Variants in PTPRQ observed in about 807,000 individuals in gnomAD.
PTPRQ encodes protein tyrosine phosphatase receptor type Q, also known as phosphatidylinositol phosphatase PTPRQ.
PTPRQ carries 199 observed loss-of-function variants against 246.0 expected under a neutral mutation model. That is an observed-to-expected ratio of 0.81 (90% CI 0.72 to 0.91). The LOEUF (loss-of-function observed/expected upper bound fraction) is 0.91, where lower values mean the gene tolerates loss of function less well. Ranked by LOEUF, PTPRQ falls within the 40% of genes least tolerant of loss-of-function variation. The pLI, the probability that PTPRQ is intolerant of heterozygous loss-of-function variation, is 0.00. For synonymous variants in PTPRQ, 869 were observed against 853.2 expected, an observed-to-expected ratio of 1.02 and a Z score of -0.32; for missense variants, 2,624 against 2,528.4, an observed-to-expected ratio of 1.04 and a Z score of -0.81.
chr12:80,623,919 C>G (rs2121143432), intron 33 of PTPRQ, among the ~76,000 whole-genome samples: 1 of 152,282 alleles, frequency 6.6e-6, no homozygotes, highest in South Asian at 2.1e-4. Flanking sequence ...AATGGCTTCT[C>G]TCTGCCCAAT....
chr12:80,637,691 A>G (rs1899707928), intron 35 of PTPRQ, among the ~76,000 whole-genome samples: 1 of 152,224 alleles, frequency 6.6e-6, no homozygotes, highest in African/African-American at 2.4e-5. Context: ...TTTTATGTTA[A>G]TAAAGTCACT....
intron 33 of PTPRQ, among the ~76,000 whole-genome samples, chr12:80,627,651 A>T (rs986064808): frequency 6.6e-6 from 1 of 152,108 alleles, no homozygotes; most frequent in African/African-American, 2.4e-5. Flanking sequence ...TAGAATTATG[A>T]TTTGCCAAAT....
At chr12:80,674,366 C>A (rs1281335932) in intron 43 of PTPRQ, among the ~76,000 whole-genome samples, 2 of 152,130 alleles carry the variant, frequency 1.3e-5, no homozygotes, top group Admixed American at 6.6e-5. Flanking sequence ...TTTTTAGGAT[C>A]TTAATGTTAA....
intron 35 of PTPRQ, among the ~76,000 whole-genome samples, chr12:80,648,181 T>C (rs1253588461): frequency 2.0e-5 from 3 of 152,122 alleles, no homozygotes; most frequent in African/African-American, 7.2e-5. Flanking sequence ...GATTTAAAAC[T>C]TTGAAAAAGT....
At chr12:80,561,199 T>G (rs1896814998) in intron 25 of PTPRQ, 1 of 152,246 alleles carries the variant, frequency 6.6e-6, no homozygotes, top group Non-Finnish European at 1.5e-5. Context: ...AAATTTGAGC[T>G]GGTCCTTCTT....
intron 17 of PTPRQ, among the ~76,000 whole-genome samples, chr12:80,525,698 G>T (rs1895664752): frequency 6.7e-6 from 1 of 150,032 alleles, no homozygotes. Flanking sequence ...GTCACTCTCG[G>T]GTTTCTTACT....
At position 80,495,238 on chromosome 12, in the gene PTPRQ, A is replaced by G; in HGVS notation, c.1749A>G (p.Ser583=). 5 of 1,540,326 alleles carry G rather than the reference A, an allele frequency of 3.2e-6. No individual in the cohort carries two copies. The highest frequency in any genetic ancestry group is 3.5e-6 in the Non-Finnish European group (4 of 1,143,478). The change falls in exon 12 of 45, where the codon TCA becomes TCG. Residue 583 remains serine (S), a synonymous_variant. Coordinates refer to ENST00000644991, the MANE Select transcript of PTPRQ (RefSeq NM_001145026.2). ...TAAACTATAAAAATATTAGTTCTTC[A>G]TCTATTTTGTTATATTGGGATCCTC... The part of the protein sequence containing the change: ...KIINYKNISS[S]SILLYWDPPE...
Position 80,576,452 on chromosome 12 carries a change from A to G in PTPRQ, c.4286-11677A>G, listed in dbSNP as rs377351737. Among the ~76,000 whole-genome samples, 304 of 151,642 alleles carry G rather than the reference A, an allele frequency of 2.0e-3. 3 individuals carry two copies. The highest frequency in any genetic ancestry group is 6.9e-3 in the African/African-American group (288 of 41,460). ...CCCCATGCCTGGCGAGCCAGTTTTT[A>G]GAAGAAAAAAAAAAAGATATTTTAA... On this transcript the variant is annotated intron_variant, in intron 25 of 44. Transcript: ENST00000644991.
chr12:80,506,429 C>A, intron 15 of PTPRQ, 140 bp from the exon 16 acceptor site: 1 of 810,016 alleles, frequency 1.2e-6, no homozygotes, highest in South Asian at 2.1e-5. Flanking sequence ...TAAATAAGAG[C>A]TACTATTGCC....
At chr12:80,542,591 T>C in intron 22 of PTPRQ, 139 bp from the exon 23 acceptor site, 1 of 1,165,736 alleles carries the variant, frequency 8.6e-7, no homozygotes, top group Non-Finnish European at 1.2e-6. Flanking sequence ...TATAATTAAT[T>C]ATGATATTTG....
At chr12:80,605,826 G>A (rs1373526530) in intron 27 of PTPRQ, among the ~76,000 whole-genome samples, 1 of 151,052 alleles carries the variant, frequency 6.6e-6, no homozygotes, top group African/African-American at 2.4e-5. Flanking sequence ...AGGGTTTTAT[G>A]TTAAGGGCAG....
chr12:80,495,935 A>G (rs1894604505), intron 12 of PTPRQ, 64 bp from the exon 13 acceptor site: 8 of 1,504,754 alleles, frequency 5.3e-6, no homozygotes, highest in African/African-American at 1.4e-5. Flanking sequence ...CCTTATATTA[A>G]ATGGCACCAA....
chr12:80,471,272 T>C (rs1893615798), intron 7 of PTPRQ, among the ~76,000 whole-genome samples: 1 of 151,888 alleles, frequency 6.6e-6, no homozygotes, highest in Non-Finnish European at 1.5e-5. Flanking sequence ...CTGCCACCAT[T>C]TGGGGTGGCT....
intron 17 of PTPRQ, among the ~76,000 whole-genome samples, chr12:80,518,259 C>T (rs1163628280): frequency 6.6e-6 from 1 of 152,046 alleles, no homozygotes; most frequent in Non-Finnish European, 1.5e-5. Flanking sequence ...TTTTCATAAG[C>T]CCCCTTGACA....
At chr12:80,639,180 A>G (rs190454788) in intron 35 of PTPRQ, among the ~76,000 whole-genome samples, 491 of 152,330 alleles carry the variant, frequency 3.2e-3, no homozygotes, top group African/African-American at 0.01. Context: ...TTCCCATGAG[A>G]GTCACATCAC....
intron 14 of PTPRQ, among the ~76,000 whole-genome samples, chr12:80,500,338 G>A (rs796188433): frequency 3.3e-5 from 5 of 151,918 alleles, no homozygotes; most frequent in African/African-American, 9.6e-5. Flanking sequence ...TTCTAAATGC[G>A]TCATTACTCT....
At chr12:80,616,137 A>C (rs1265305395) in intron 29 of PTPRQ, 63 bp from the exon 30 acceptor site, 71 of 1,161,614 alleles carry the variant, frequency 6.1e-5, no homozygotes, top group Non-Finnish European at 2.7e-5. Context: ...GCATATATAT[A>C]TATATACACA....
At chr12:80,503,437 G>T (rs978276934) in intron 14 of PTPRQ, among the ~76,000 whole-genome samples, 2 of 151,696 alleles carry the variant, frequency 1.3e-5, no homozygotes, top group Non-Finnish European at 2.9e-5. Flanking sequence ...AGTGTGCCTT[G>T]ACACCATAAC....
intron 33 of PTPRQ, among the ~76,000 whole-genome samples, chr12:80,623,048 G>A (rs777973266): frequency 4.9e-4 from 74 of 152,222 alleles, no homozygotes; most frequent in Non-Finnish European, 9.3e-4. Flanking sequence ...AGAATTGCAT[G>A]AACAGGGTAT....
Sources: allele counts gnomAD v4.1 joint callset (sites outside exome capture counted in the v4.1 genomes callset), GRCh38; gene constraint gnomAD v4.1.1; transcripts MANE v1.5; gene names NCBI Gene and HGNC (gene_info 2026-07-23, HGNC 2026-07-21).